The following CUX1 variants were observed in gnomAD, a reference collection of about 807,000 sequenced individuals.
The protein encoded by CUX1 is cut like homeobox 1, also known as protein CASP.
In CUX1, 31 loss-of-function variants were observed where a neutral mutation model predicts 158.8. The observed-to-expected ratio is 0.20, with a 90% CI of 0.15 to 0.26. CUX1 has a LOEUF of 0.26. CUX1 is among the 10% of genes least tolerant of loss of function. The pLI, the probability that CUX1 is intolerant of heterozygous loss-of-function variation, is 1.00. For synonymous variants in CUX1, 879 were observed against 862.1 expected (o/e 1.02, Z -0.34); for missense variants, 1,589 against 2,014.6 (o/e 0.79, Z 4.04).
intron 2 of CUX1, among the ~76,000 whole-genome samples, chr7:101,994,781 CT>C (rs533011295): frequency 1.6e-4 from 24 of 152,124 alleles, no homozygotes; most frequent in African/African-American, 5.8e-4. Flanking sequence ...ACTCAGTCAT[CT>C]CACGTGTCTA....
chr7:102,239,242 G>T, intron 22 of CUX1, 78 bp from the exon 23 acceptor site: 5 of 1,498,000 alleles, frequency 3.3e-6, no homozygotes, highest in Non-Finnish European at 4.5e-6. Flanking sequence ...GCACTGTGCC[G>T]TCCCGCTAGC....
chr7:102,204,673 C>T lies in CUX1; in HGVS notation c.3073+117C>T, dbSNP rs184867801. The T allele has an allele frequency of 2.7e-5, 36 of 1,328,532 alleles. No homozygotes were observed. In the African/African-American group the frequency reaches 4.7e-4, roughly 17 times the overall value. 82.3% of individuals were successfully genotyped at this position (1,328,532 alleles called of 1,614,324 possible). A position where few individuals can be genotyped will look rare whatever the true frequency, so the allele number is the denominator to read the frequency against. ...AGGGAACTCCGCCCCAGGAGGTGGC[C>T]AACCACACTCCCCACCGTGGGCTGG... is the stretch of plus-strand genomic sequence containing the variant. On this transcript the variant is annotated intron_variant, in intron 19 of 23. Coordinates refer to ENST00000292535, the MANE Select transcript of CUX1 (RefSeq NM_181552.4).
At chr7:102,004,232 C>G (rs778417787) in intron 2 of CUX1, among the ~76,000 whole-genome samples, 2 of 152,254 alleles carry the variant, frequency 1.3e-5, no homozygotes, top group Non-Finnish European at 2.9e-5. Flanking sequence ...GGCTTCCTTA[C>G]GGGTCCACAC....
At chr7:101,816,185 CG>C (rs1791748904), upstream of CUX1, 13 of 496,226 alleles carry the variant, frequency 2.6e-5, no homozygotes, top group Non-Finnish European at 3.1e-5. Context: ...GCCCAGCCGC[CG>C]GGGGGCCCGC....
Position 102,050,684 on chromosome 7 carries a change from TTTA to T in CUX1, c.190-19628_190-19626del, listed in dbSNP as rs149429897. 6.5e-3 allele frequency among the ~76,000 whole-genome samples: 965 copies of T among 147,520 alleles called. 7 individuals carry two copies. The highest frequency in any genetic ancestry group is 9.8e-3 in the Non-Finnish European group (655 of 67,048). ...TCAGTATTAGACCCTGTGAATTCTT[TTTA>T]TTATTATTATTATTATTATTATTAT... On this transcript the variant is annotated intron_variant, in intron 3 of 23. Transcript: ENST00000292535.
exon 19 of CUX1, chr7:102,280,071 C>T (rs150890071): frequency 7.5e-6 from 12 of 1,610,722 alleles, no homozygotes; most frequent in Admixed American, 5.0e-5. Flanking sequence ...CTGCGGTACT[C>T]GTCCCAGTAC....
chr7:101,857,152 G>C (rs1796940759), intron 1 of CUX1, among the ~76,000 whole-genome samples: 1 of 152,304 alleles, frequency 6.6e-6, no homozygotes, highest in East Asian at 1.9e-4. Context: ...CCCGCCCGGT[G>C]TTAGCGTCAC....
chr7:102,162,713 C>T (rs1790582150), intron 9 of CUX1, among the ~76,000 whole-genome samples: 1 of 152,040 alleles, frequency 6.6e-6, no homozygotes, highest in Non-Finnish European at 1.5e-5. Flanking sequence ...CGGGGTTTTG[C>T]CATGTTTGCC....
At chr7:101,881,039 G>A (rs2131557080) in intron 1 of CUX1, among the ~76,000 whole-genome samples, 1 of 152,342 alleles carries the variant, frequency 6.6e-6, no homozygotes, top group South Asian at 2.1e-4. Flanking sequence ...TTGCTTGGAG[G>A]TAGGGGAAAC....
intron 2 of CUX1, among the ~76,000 whole-genome samples, chr7:101,977,608 A>T (rs1563083411): frequency 6.6e-6 from 1 of 151,978 alleles, no homozygotes; most frequent in Non-Finnish European, 1.5e-5. Context: ...GTGCCACTGT[A>T]CTCCAGCCTG....
chr7:101,996,309 G>T (rs1815877280), intron 2 of CUX1, among the ~76,000 whole-genome samples: 1 of 152,086 alleles, frequency 6.6e-6, no homozygotes, highest in South Asian at 2.1e-4. Context: ...ACAGGCACAG[G>T]ACAGAAGGCT....
At chr7:101,970,124 C>T (rs769763038) in intron 2 of CUX1, among the ~76,000 whole-genome samples, 4 of 151,712 alleles carry the variant, frequency 2.6e-5, no homozygotes, top group Non-Finnish European at 4.4e-5. Context: ...TGTGGCAGAT[C>T]GGCCTTTCTA....
At chr7:101,865,995 A>G (rs1314236023) in intron 1 of CUX1, among the ~76,000 whole-genome samples, 1 of 152,182 alleles carries the variant, frequency 6.6e-6, no homozygotes, top group Non-Finnish European at 1.5e-5. Flanking sequence ...GGGACCCTTT[A>G]TTGCAGACTG....
At chr7:102,059,631 CAAAAA>C (rs747660590) in intron 3 of CUX1, among the ~76,000 whole-genome samples, 6,077 of 88,200 alleles carry the variant, frequency 0.069, 136 homozygotes, top group Middle Eastern at 0.1. Context: ...GACTTCATCT[CAAAAA>C]AAAAAAAAAA....
intron 2 of CUX1, among the ~76,000 whole-genome samples, chr7:102,014,858 CAA>C (rs59972216): frequency 9.6e-4 from 123 of 127,882 alleles, no homozygotes; most frequent in South Asian, 1.6e-3. Context: ...CCCCAACCAC[CAA>C]AAAAAAAAAA....
intron 9 of CUX1, among the ~76,000 whole-genome samples, chr7:102,166,812 G>C (rs914935082): frequency 1.3e-5 from 2 of 152,022 alleles, no homozygotes; most frequent in African/African-American, 4.8e-5. Context: ...GACGCCCTCA[G>C]GACAGAAATC....
intron 2 of CUX1, among the ~76,000 whole-genome samples, chr7:101,956,503 T>A (rs991128202): frequency 9.9e-5 from 15 of 152,214 alleles, no homozygotes; most frequent in African/African-American, 3.6e-4. Flanking sequence ...GGAGTCAACG[T>A]TTCCTTCAGA....
intron 2 of CUX1, among the ~76,000 whole-genome samples, chr7:101,989,212 G>A (rs1208845798): frequency 1.3e-5 from 2 of 152,086 alleles, no homozygotes; most frequent in Non-Finnish European, 2.9e-5. Flanking sequence ...GTAGCATGCA[G>A]GCCTCCGTCC....
intron 3 of CUX1, among the ~76,000 whole-genome samples, chr7:102,060,020 A>G (rs1456089135): frequency 6.6e-6 from 1 of 152,052 alleles, no homozygotes; most frequent in Non-Finnish European, 1.5e-5. Flanking sequence ...TCACGCCTGT[A>G]ATCCCAGCAC....
Sources: allele counts gnomAD v4.1 joint callset (sites outside exome capture counted in the v4.1 genomes callset), GRCh38; gene constraint gnomAD v4.1.1; transcripts MANE v1.5; gene names NCBI Gene and HGNC (gene_info 2026-07-23, HGNC 2026-07-21).